Variants in CSMD1 observed in about 807,000 individuals in gnomAD.
CSMD1 encodes CUB and Sushi multiple domains 1, also known as CUB and sushi domain-containing protein 1.
A neutral mutation model predicts 417.5 loss-of-function variants in CSMD1; 213 were observed. The observed-to-expected ratio is 0.51, with a 90% CI of 0.46 to 0.57. The LOEUF is 0.57. Ranked by LOEUF, CSMD1 falls within the 20% of genes least tolerant of loss-of-function variation. The pLI is 0.00. For synonymous variants in CSMD1, 2,862 were observed against 1,736.8 expected (o/e 1.65, Z -16.11); for missense variants, 6,923 against 4,529.7 (o/e 1.53, Z -15.17).
chr8:3,950,550 T>C (rs937476839), intron 5 of CSMD1, among the ~76,000 whole-genome samples: 1 of 152,234 alleles, frequency 6.6e-6, no homozygotes, highest in South Asian at 2.1e-4. Flanking sequence ...AGAGCCTCAA[T>C]ACAAGCGTTC....
intron 5 of CSMD1, among the ~76,000 whole-genome samples, chr8:3,948,625 T>C (rs1811400532): frequency 2.0e-5 from 3 of 152,206 alleles, no homozygotes; most frequent in Admixed American, 2.0e-4. Flanking sequence ...ACATACTTAC[T>C]GCTTTCCATT....
At chr8:3,841,667 T>G (rs1036647898) in intron 5 of CSMD1, among the ~76,000 whole-genome samples, 1 of 152,108 alleles carries the variant, frequency 6.6e-6, no homozygotes, top group Non-Finnish European at 1.5e-5. Flanking sequence ...AAAAAAACCA[T>G]GAATATGATT....
intron 7 of CSMD1, among the ~76,000 whole-genome samples, chr8:3,619,016 G>A (rs138357147): frequency 3.9e-4 from 60 of 152,288 alleles, no homozygotes; most frequent in African/African-American, 1.3e-3. Context: ...AGCCATGAAA[G>A]GCTGTGACAA....
At chr8:4,010,185 C>G (rs1816436726) in intron 4 of CSMD1, among the ~76,000 whole-genome samples, 1 of 152,110 alleles carries the variant, frequency 6.6e-6, no homozygotes, top group Admixed American at 6.5e-5. Flanking sequence ...AGTCCACGTA[C>G]ACTGGTCCTG....
chr8:3,013,386 C>G (rs1180516209), intron 52 of CSMD1, among the ~76,000 whole-genome samples: 1 of 152,194 alleles, frequency 6.6e-6, no homozygotes, highest in African/African-American at 2.4e-5. Flanking sequence ...CATCTTTCAC[C>G]TGATAGCATT....
chr8:4,782,546 T>A (rs1797207607), intron 1 of CSMD1, among the ~76,000 whole-genome samples: 4 of 152,158 alleles, frequency 2.6e-5, no homozygotes, highest in Admixed American at 2.6e-4. Flanking sequence ...CTCTAAGACA[T>A]TTTAGTTTTG....
chr8:3,248,547 T>TTTTGG (rs397950793), intron 26 of CSMD1, among the ~76,000 whole-genome samples: 2 of 139,442 alleles, frequency 1.4e-5, no homozygotes, highest in Non-Finnish European at 3.2e-5. Flanking sequence ...TTTTTTTTTT[T>TTTTGG]GAGACGTAGT....
chr8:4,512,124 G>C (rs549397073), intron 2 of CSMD1, among the ~76,000 whole-genome samples: 41 of 152,256 alleles, frequency 2.7e-4, no homozygotes, highest in African/African-American at 8.4e-4. Flanking sequence ...AGGTATGCAA[G>C]GCTGGTTCAA....
At chr8:3,952,370 A>T (rs1396404360) in intron 5 of CSMD1, among the ~76,000 whole-genome samples, 1 of 152,192 alleles carries the variant, frequency 6.6e-6, no homozygotes, top group African/African-American at 2.4e-5. Context: ...CCAAACATAA[A>T]ATAGATTTAA....
At chr8:4,942,932 A>C (rs1283863490) in intron 1 of CSMD1, among the ~76,000 whole-genome samples, 1 of 152,240 alleles carries the variant, frequency 6.6e-6, no homozygotes, top group Non-Finnish European at 1.5e-5. Flanking sequence ...ATTAGGTTAT[A>C]GATGATGGGT....
At chr8:4,270,021 G>T (rs1476247600) in intron 3 of CSMD1, among the ~76,000 whole-genome samples, 1 of 152,168 alleles carries the variant, frequency 6.6e-6, no homozygotes, top group African/African-American at 2.4e-5. Context: ...CTTCAACTCT[G>T]CAGTGTATTG....
intron 4 of CSMD1, among the ~76,000 whole-genome samples, chr8:4,006,585 T>A (rs1816135154): frequency 6.6e-6 from 1 of 152,154 alleles, no homozygotes; most frequent in Admixed American, 6.5e-5. Context: ...TCTTGGGATG[T>A]TAGTTTTATT....
At chr8:3,850,753 T>G (rs1172557035) in intron 5 of CSMD1, among the ~76,000 whole-genome samples, 1 of 152,046 alleles carries the variant, frequency 6.6e-6, no homozygotes, top group African/African-American at 2.4e-5. Context: ...GAAATTCGCA[T>G]TTATACACAT....
chr8:3,026,774 G>T (rs992536483), intron 51 of CSMD1, among the ~76,000 whole-genome samples: 2 of 152,204 alleles, frequency 1.3e-5, no homozygotes, highest in Non-Finnish European at 2.9e-5. Context: ...TAGTTATGCA[G>T]CAATCAATAA....
chr8:3,294,823 C>T (rs923990068), intron 25 of CSMD1, among the ~76,000 whole-genome samples: 7 of 152,078 alleles, frequency 4.6e-5, no homozygotes, highest in African/African-American at 1.7e-4. Flanking sequence ...TGGGCTGCAC[C>T]CATTGTCCTG....
intron 1 of CSMD1, among the ~76,000 whole-genome samples, chr8:4,751,570 A>C (rs2117051192): frequency 6.6e-6 from 1 of 152,274 alleles, no homozygotes; most frequent in South Asian, 2.1e-4. Context: ...TAATAGCTTA[A>C]TCTCACCTAC....
At chr8:4,147,691 C>G (rs571884588) in intron 3 of CSMD1, among the ~76,000 whole-genome samples, 1 of 152,260 alleles carries the variant, frequency 6.6e-6, no homozygotes, top group African/African-American at 2.4e-5. Context: ...AAATATCTGA[C>G]ATCACCATGG....
chr8:3,888,319 C>T (rs1000404680), intron 5 of CSMD1, among the ~76,000 whole-genome samples: 20 of 152,152 alleles, frequency 1.3e-4, no homozygotes, highest in Admixed American at 2.6e-4. Flanking sequence ...TCAAGGCAAG[C>T]ATTTGTATCC....
At chr8:4,850,699 T>C (rs1310171059) in intron 1 of CSMD1, among the ~76,000 whole-genome samples, 2 of 152,106 alleles carry the variant, frequency 1.3e-5, no homozygotes, top group South Asian at 4.1e-4. Context: ...TCTCTCTGGA[T>C]GAAGTGCAGA....
Sources: gnomAD v4.1 joint callset for allele counts (sites outside exome capture counted in the v4.1 genomes callset) on GRCh38, gnomAD v4.1.1 for gene constraint, MANE v1.5 for transcripts, NCBI Gene and HGNC (gene_info 2026-07-23, HGNC 2026-07-21) for gene names.